Variants in ERH observed in about 807,000 individuals in gnomAD.
ERH encodes ERH mRNA splicing and mitosis factor.
ERH carries 1 observed loss-of-function variant against 16.8 expected under a neutral mutation model. The observed-to-expected ratio is 0.06, with a 90% CI of 0.02 to 0.28. The LOEUF (loss-of-function observed/expected upper bound fraction) is 0.28, where lower values mean the gene tolerates loss of function less well. ERH is among the 10% of genes least tolerant of loss of function. The pLI is 1.00. For missense variants in ERH, 42 were observed against 127.5 expected, an observed-to-expected ratio of 0.33 and a Z score of 3.23; for synonymous variants, 43 against 43.6, an observed-to-expected ratio of 0.99 and a Z score of 0.05.
At chr14:69,381,205 G>A (rs985524811) in intron 3 of ERH, among the ~76,000 whole-genome samples, 1 of 152,128 alleles carries the variant, frequency 6.6e-6, no homozygotes, top group Non-Finnish European at 1.5e-5. Context: ...TGCTTCAACC[G>A]GTGGAGGATG....
At chr14:69,388,282 C>T (rs1214181852) in intron 2 of ERH, among the ~76,000 whole-genome samples, 1 of 152,018 alleles carries the variant, frequency 6.6e-6, no homozygotes, top group Non-Finnish European at 1.5e-5. Context: ...TGAGCAAAAT[C>T]ATTAATAGCA....
At chr14:69,395,664 G>A (rs553173447) in intron 1 of ERH, among the ~76,000 whole-genome samples, 2 of 152,156 alleles carry the variant, frequency 1.3e-5, no homozygotes, top group East Asian at 3.9e-4. Flanking sequence ...CTCAGCGTAA[G>A]AGCAAAGTCA....
chr14:69,388,924 T>G (rs1034495665), intron 2 of ERH, among the ~76,000 whole-genome samples: 4 of 152,214 alleles, frequency 2.6e-5, no homozygotes, highest in Non-Finnish European at 4.4e-5. Flanking sequence ...CATACTACAT[T>G]GTGATCACAG....
intron 3 of ERH, 99 bp downstream of exon 3, chr14:69,386,864 T>C: frequency 9.1e-7 from 1 of 1,097,404 alleles, no homozygotes; most frequent in South Asian, 1.4e-5. Context: ...CAAAGATCAG[T>C]ATCAGGCACA....
At chr14:69,388,463 C>T (rs1483041187) in intron 2 of ERH, among the ~76,000 whole-genome samples, 4 of 151,956 alleles carry the variant, frequency 2.6e-5, no homozygotes, top group Non-Finnish European at 4.4e-5. Context: ...TGGGTTCAAG[C>T]GATTCTCCTG....
intron 3 of ERH, among the ~76,000 whole-genome samples, chr14:69,382,551 G>C (rs1377944809): frequency 6.6e-6 from 1 of 151,972 alleles, no homozygotes; most frequent in Non-Finnish European, 1.5e-5. Flanking sequence ...TCAAATAGTA[G>C]GCCAGGTGCC....
At position 69,394,713 on chromosome 14, in the gene ERH, G is replaced by A. The variant is rs139753039; in HGVS notation, c.91+112C>T. The A allele has an allele frequency of 5.7e-4, 350 of 616,860 alleles. 3 individuals carry two copies. The East Asian group carries it at 0.01, about 18-fold the overall frequency. 38.2% of individuals were successfully genotyped at this position (616,860 alleles called of 1,614,324 possible). A position where few individuals can be genotyped will look rare whatever the true frequency, so the allele number is the denominator to read the frequency against. ...TCAATAAATTTGGAGGGTTGGAAGT[G>A]ATAAAGGCAGGGCCTGGGGTGGATG... On this transcript the variant is annotated intron_variant, in intron 2 of 3. Transcript: ENST00000557016.
intron 1 of ERH, among the ~76,000 whole-genome samples, chr14:69,395,427 T>C (rs1481288414): frequency 6.6e-6 from 1 of 152,240 alleles, no homozygotes; most frequent in Non-Finnish European, 1.5e-5. Flanking sequence ...CCGTACTTAC[T>C]GCCTACAAGT....
At chr14:69,397,700 C>T (rs959283347) in intron 1 of ERH, among the ~76,000 whole-genome samples, 1 of 152,138 alleles carries the variant, frequency 6.6e-6, no homozygotes, top group Non-Finnish European at 1.5e-5. Flanking sequence ...GGGTGGATTG[C>T]TTGAGGTCAG....
At chr14:69,392,603 G>A (rs971864343) in intron 2 of ERH, among the ~76,000 whole-genome samples, 13 of 152,138 alleles carry the variant, frequency 8.5e-5, no homozygotes, top group Non-Finnish European at 1.5e-4. Flanking sequence ...CTGTAATGGC[G>A]GACACATGAC....
At chr14:69,398,057 TAG>T (rs770763897) in intron 1 of ERH, 172 bp downstream of exon 1, 2 of 837,172 alleles carry the variant, frequency 2.4e-6, no homozygotes, top group South Asian at 1.6e-5. Context: ...CTCCGAGGCC[TAG>T]AGTCAGGCCT....
At chr14:69,387,761 T>C (rs922953827) in intron 2 of ERH, among the ~76,000 whole-genome samples, 1 of 149,120 alleles carries the variant, frequency 6.7e-6, no homozygotes, top group Non-Finnish European at 1.5e-5. Context: ...GATCCTAGAC[T>C]AGGCCGGGCA....
In ERH at chr14:69,380,411, C is replaced by G. The variant is rs1428900379; in HGVS notation, c.*127G>C. 1 of 518,014 alleles carries G rather than the reference C, an allele frequency of 1.9e-6. No homozygotes were observed. The highest frequency in any genetic ancestry group is 1.9e-5 in the African/African-American group (1 of 51,598). The allele number at this position is 518,014 out of a possible 1,614,324, so 32.1% of individuals were successfully genotyped here. ...CAAGATCCTCACATTTCATCTAATA[C>G]AGTCAATCTTGGCTAGAGTATAACA... On this transcript the variant is annotated 3_prime_UTR_variant, in exon 4 of 4. Coordinates refer to ENST00000557016, the MANE Select transcript of ERH (RefSeq NM_004450.3).
intron 1 of ERH, 82 bp from the exon 2 acceptor site, chr14:69,394,994 G>A: frequency 1.0e-6 from 1 of 960,960 alleles, no homozygotes. Flanking sequence ...CATTTGTAAT[G>A]CAATAATGAT....
intron 2 of ERH, among the ~76,000 whole-genome samples, chr14:69,387,366 G>A (rs1033687063): frequency 1.3e-5 from 2 of 152,050 alleles, no homozygotes; most frequent in Admixed American, 6.5e-5. Context: ...AGACCAGCCT[G>A]CCTGGGCAAC....
At chr14:69,392,218 A>C (rs966138388) in intron 2 of ERH, among the ~76,000 whole-genome samples, 39 of 152,092 alleles carry the variant, frequency 2.6e-4, no homozygotes, top group African/African-American at 9.2e-4. Context: ...AGAAAAAAAA[A>C]AAAAGAATAA....
At position 69,394,910 on chromosome 14, in the gene ERH, A is replaced by C; in HGVS notation, c.6T>G (p.Ser2=). The C allele has an allele frequency of 6.2e-7, 1 of 1,607,772 alleles. No homozygotes were observed. The highest frequency in any genetic ancestry group is 8.5e-7 in the Non-Finnish European group (1 of 1,174,750). Reference sequence around the variant, plus strand: ...TAGGCTGTACCAGCAAAATGGTGTGAGACTGCAGGGGAAAACATGATTTCA... The same window carrying C: ...TAGGCTGTACCAGCAAAATGGTGTGCGACTGCAGGGGAAAACATGATTTCA... M[S]HTILLVQPTK... is the part of the protein sequence containing the mutation. Residue 2 remains serine, a splice_region_variant and synonymous_variant, in exon 2 of 4, where the codon TCT becomes TCG. Transcript: ENST00000557016.
chr14:69,382,844 G>A (rs1414433704), intron 3 of ERH, among the ~76,000 whole-genome samples: 1 of 150,226 alleles, frequency 6.7e-6, no homozygotes, highest in African/African-American at 2.4e-5. Flanking sequence ...GCTGTGTGTC[G>A]ATGGCTGTTA....
At chr14:69,387,111 ATCTT>A (rs1197431903) in intron 2 of ERH, 28 bp from the exon 3 acceptor site, 1 of 1,603,404 alleles carries the variant, frequency 6.2e-7, no homozygotes, top group Non-Finnish European at 8.5e-7. Flanking sequence ...AAAAAGCAAA[ATCTT>A]ACAATCGCAT....
Sources: allele counts gnomAD v4.1 joint callset (sites outside exome capture counted in the v4.1 genomes callset), GRCh38; gene constraint gnomAD v4.1.1; transcripts MANE v1.5; gene names NCBI Gene and HGNC (gene_info 2026-07-23, HGNC 2026-07-21).